Variants in OR14L1 observed in about 807,000 individuals in gnomAD.
OR14L1 encodes the protein olfactory receptor 14L1.
At chr1:247,617,558 G>A in the OR14L1 span, among the ~76,000 whole-genome samples, 1 of 152,116 alleles carries the variant, frequency 6.6e-6, no homozygotes, top group South Asian at 2.1e-4. Context: ...CTTTTTTTGG[G>A]GTGATAGCAG....
At chr1:247,622,216 G>C in the OR14L1 span, 1 of 152,096 alleles carries the variant, frequency 6.6e-6, no homozygotes, top group South Asian at 2.1e-4. Flanking sequence ...TCACCTTTTA[G>C]TGATTCTCAC....
the OR14L1 span, chr1:247,619,563 A>G: frequency 3.9e-5 from 6 of 152,220 alleles, no homozygotes; most frequent in African/African-American, 1.4e-4. Flanking sequence ...ACAAATTGAA[A>G]TATCACTGGG....
the OR14L1 span, chr1:247,622,291 TGTTACTATTG>T: frequency 6.6e-6 from 1 of 152,162 alleles, no homozygotes; most frequent in East Asian, 1.9e-4. Flanking sequence ...TGATGTTCAA[TGTTACTATTG>T]TATTTGTTTC....
At chr1:247,617,715 T>C in the OR14L1 span, among the ~76,000 whole-genome samples, 2 of 151,284 alleles carry the variant, frequency 1.3e-5, no homozygotes, top group Non-Finnish European at 2.9e-5. Flanking sequence ...TGTGTGCGTG[T>C]GTGTGTGTGT....
At chr1:247,619,591 T>C in the OR14L1 span, 1 of 152,190 alleles carries the variant, frequency 6.6e-6, no homozygotes, top group Non-Finnish European at 1.5e-5. Flanking sequence ...ATATTTGATA[T>C]TTCTATAATC....
the OR14L1 span, chr1:247,617,280 A>G: frequency 6.6e-6 from 1 of 152,180 alleles, no homozygotes; most frequent in African/African-American, 2.4e-5. Context: ...GGCATTTTTC[A>G]ATTTTATCTG....
the OR14L1 span, chr1:247,620,948 C>T: frequency 6.6e-6 from 1 of 151,982 alleles, no homozygotes; most frequent in African/African-American, 2.4e-5. Flanking sequence ...AGAACAAGAT[C>T]ATATGGATTA....
At chr1:247,618,370 G>A in the OR14L1 span, among the ~76,000 whole-genome samples, 6 of 152,004 alleles carry the variant, frequency 3.9e-5, no homozygotes, top group African/African-American at 1.2e-4. Context: ...ATACAACTGC[G>A]AAAACTCCTA....
chr1:247,619,997 A>G, the OR14L1 span: 1 of 152,176 alleles, frequency 6.6e-6, no homozygotes, highest in Non-Finnish European at 1.5e-5. Context: ...GTGATGTCCT[A>G]TGACCGCTAT....
the OR14L1 span, among the ~76,000 whole-genome samples, chr1:247,619,065 C>T: frequency 4.6e-5 from 7 of 152,238 alleles, no homozygotes; most frequent in East Asian, 1.9e-4. Context: ...GTGCTTTTTA[C>T]GTGAGGTGTT....
the OR14L1 span, chr1:247,621,770 A>T: frequency 1.3e-5 from 2 of 152,082 alleles, no homozygotes; most frequent in East Asian, 3.9e-4. Flanking sequence ...ACTTTTTCAG[A>T]TTCCACATAT....
chr1:247,617,614 A>G, the OR14L1 span, among the ~76,000 whole-genome samples: 1 of 152,066 alleles, frequency 6.6e-6, no homozygotes, highest in Non-Finnish European at 1.5e-5. Flanking sequence ...AAGCAGGTAA[A>G]AGAAAAGAGG....
the OR14L1 span, among the ~76,000 whole-genome samples, chr1:247,618,974 C>T: frequency 1.3e-5 from 2 of 152,142 alleles, no homozygotes; most frequent in South Asian, 4.1e-4. Flanking sequence ...TTTTACCTCC[C>T]TACGTTCTCT....
the OR14L1 span, chr1:247,621,146 A>C: frequency 2.0e-5 from 3 of 152,182 alleles, no homozygotes; most frequent in African/African-American, 7.2e-5. Flanking sequence ...TGTGTATAGG[A>C]AGGTTCACAG....
chr1:247,619,638 C>T, the OR14L1 span: 1 of 152,036 alleles, frequency 6.6e-6, no homozygotes, highest in Non-Finnish European at 1.5e-5. Flanking sequence ...ATGGAACGAC[C>T]ACAAGTGATT....
At chr1:247,619,274 T>C in the OR14L1 span, among the ~76,000 whole-genome samples, 1 of 152,214 alleles carries the variant, frequency 6.6e-6, no homozygotes, top group Non-Finnish European at 1.5e-5. Flanking sequence ...AAAATAAATA[T>C]GTATATTCAG....
the OR14L1 span, chr1:247,619,532 G>C: frequency 6.6e-6 from 1 of 152,134 alleles, no homozygotes; most frequent in Non-Finnish European, 1.5e-5. Context: ...CTGCATATGA[G>C]TAACCTTATA....
At chr1:247,618,346 G>A in the OR14L1 span, among the ~76,000 whole-genome samples, 8 of 151,944 alleles carry the variant, frequency 5.3e-5, no homozygotes, top group African/African-American at 1.7e-4. Context: ...TTGTGGTGGT[G>A]GTTTCATAGG....
At chr1:247,622,224 C>T in the OR14L1 span, 1 of 152,134 alleles carries the variant, frequency 6.6e-6, no homozygotes, top group Non-Finnish European at 1.5e-5. Flanking sequence ...TAGTGATTCT[C>T]ACAATATTTC....
Sources: allele counts gnomAD v4.1 joint callset (sites outside exome capture counted in the v4.1 genomes callset), GRCh38; gene constraint gnomAD v4.1.1; transcripts MANE v1.5; gene names NCBI Gene and HGNC (gene_info 2026-07-23, HGNC 2026-07-21).